Variants in HPS4 observed in about 807,000 individuals in gnomAD.
The protein encoded by HPS4 is BLOC-3 complex member HPS4.
HPS4 carries 44 observed loss-of-function variants against 70.3 expected under a neutral mutation model. That is an observed-to-expected ratio of 0.63 (90% CI 0.49 to 0.80). HPS4 has a LOEUF of 0.80. Ranked by LOEUF, HPS4 falls within the 30% of genes least tolerant of loss-of-function variation. HPS4 has a pLI of 0.00. For missense variants in HPS4, 873 were observed against 884.4 expected (o/e 0.99, Z 0.16); for synonymous variants, 377 against 355.9 (o/e 1.06, Z -0.67).
At chr22:26,463,860 A>G (rs1038656474) in intron 11 of HPS4, 57 bp downstream of exon 11, 55 of 1,558,888 alleles carry the variant, frequency 3.5e-5, no homozygotes, top group Non-Finnish European at 4.6e-5. Context: ...CTGTGAGGGA[A>G]GCACAGGAGA....
At chr22:26,475,352 T>TC (rs1220232869) in intron 4 of HPS4, 2 of 147,132 alleles carry the variant, frequency 1.4e-5, no homozygotes, top group East Asian at 4.0e-4. Flanking sequence ...AATTTCTTTT[T>TC]TTTTTTTTTT....
At chr22:26,479,556 A>C in intron 2 of HPS4, 1 of 1,413,804 alleles carries the variant, frequency 7.1e-7, no homozygotes, top group South Asian at 1.6e-5. Flanking sequence ...AACTAAAAAT[A>C]TGCCTCTATC....
At chr22:26,483,803 C>T (rs2091586696), upstream of HPS4, 15 of 1,095,794 alleles carry the variant, frequency 1.4e-5, no homozygotes, top group South Asian at 3.5e-4. Flanking sequence ...CACGCGCCGC[C>T]CCGCCTACCT....
At chr22:26,471,027 AG>A (rs2089720429) in intron 6 of HPS4, 1 of 919,936 alleles carries the variant, frequency 1.1e-6, no homozygotes, top group African/African-American at 1.6e-5. Flanking sequence ...CCAAATTCTT[AG>A]AACAAGGAGG....
Position 26,479,436 on chromosome 22 carries a change from C to T in HPS4, c.42-81G>A, listed in dbSNP as rs868372726. ...TAAAACACAGCTTCCTGTTTCCCAG[C>T]CCGAGGAGGGCTTATTACTGTGTTT... On this transcript the variant is annotated intron_variant, in intron 2 of 13. Coordinates refer to ENST00000398145, the MANE Select transcript of HPS4 (RefSeq NM_022081.6). 3.2e-6 allele frequency: 5 copies of T among 1,567,792 alleles called. No homozygotes were observed. In the Middle Eastern group the frequency reaches 6.7e-4, roughly 209 times the overall value.
At chr22:26,477,843 C>T (rs919848779) in intron 3 of HPS4, among the ~76,000 whole-genome samples, 1 of 152,188 alleles carries the variant, frequency 6.6e-6, no homozygotes, top group African/African-American at 2.4e-5. Flanking sequence ...CTCTACTACA[C>T]ATATGACCTG....
Position 26,479,284 on chromosome 22 carries a change from C to A in HPS4, c.113G>T (p.Cys38Phe). 1 of 1,614,168 alleles carries A rather than the reference C, an allele frequency of 6.2e-7. No homozygotes were observed. The highest frequency in any genetic ancestry group is 8.5e-7 in the Non-Finnish European group (1 of 1,180,010). The change falls in exon 3 of 14, where the codon TGT becomes TTT. Residue 38 changes from cysteine to phenylalanine, a missense_variant. Coordinates refer to ENST00000398145, the MANE Select transcript of HPS4 (RefSeq NM_022081.6). ...EEGDPTRAGI[C>F]YFYPSQTLLD... Reference sequence around the variant, plus strand: ...GCTTACCTGGGAAGGATAAAAGTAACAAATGCCAGCTCTTGTTGGATCGCC... The same window carrying A: ...GCTTACCTGGGAAGGATAAAAGTAAAAAATGCCAGCTCTTGTTGGATCGCC...
At chr22:26,444,132 C>T (rs1417623794), downstream of HPS4, 1 of 152,134 alleles carries the variant, frequency 6.6e-6, no homozygotes, top group Non-Finnish European at 1.5e-5. Flanking sequence ...GGACCGCGCT[C>T]ACCCAGCGAC....
chr22:26,460,809 CTTGG>C (rs1405829987), intron 11 of HPS4, among the ~76,000 whole-genome samples: 1 of 152,120 alleles, frequency 6.6e-6, no homozygotes, highest in African/African-American at 2.4e-5. Flanking sequence ...TATTTTTTTA[CTTGG>C]TTGGGGAAAA....
intron 8 of HPS4, chr22:26,467,009 C>G (rs2088773355): frequency 6.6e-6 from 1 of 152,306 alleles, no homozygotes; most frequent in Non-Finnish European, 1.5e-5. Context: ...CACATACAAT[C>G]CCTCATCCCC....
At chr22:26,473,224 T>A (rs1367911674) in intron 4 of HPS4, among the ~76,000 whole-genome samples, 1 of 152,256 alleles carries the variant, frequency 6.6e-6, no homozygotes, top group African/African-American at 2.4e-5. Flanking sequence ...AGTATCTCCA[T>A]GAGGTCTGTT....
chr22:26,448,288 C>G (rs1357931215), downstream of HPS4, among the ~76,000 whole-genome samples: 7 of 152,222 alleles, frequency 4.6e-5, no homozygotes, highest in African/African-American at 7.2e-5. Context: ...ATTTCCTTCT[C>G]CTGTCCATTT....
intron 4 of HPS4, among the ~76,000 whole-genome samples, 198 bp from the exon 5 acceptor site, chr22:26,473,137 T>C (rs2090071933): frequency 6.6e-6 from 1 of 152,214 alleles, no homozygotes; most frequent in South Asian, 2.1e-4. Flanking sequence ...CAATTCATGT[T>C]TTCCAATCTC....
At chr22:26,463,182 G>C (rs2087674409) in intron 11 of HPS4, among the ~76,000 whole-genome samples, 1 of 152,178 alleles carries the variant, frequency 6.6e-6, no homozygotes, top group African/African-American at 2.4e-5. Flanking sequence ...GGGCCCCAGG[G>C]AAGGTCAGTT....
chr22:26,443,496 A>G (rs1334231557), downstream of HPS4: 3 of 292,260 alleles, frequency 1.0e-5, no homozygotes, highest in Admixed American at 5.0e-5. Flanking sequence ...TTGAGTGACC[A>G]GAGACTTAGT....
chr22:26,476,887 T>G, intron 4 of HPS4, 106 bp downstream of exon 4: 1 of 1,196,136 alleles, frequency 8.4e-7, no homozygotes, highest in Non-Finnish European at 1.2e-6. Context: ...AGTACATGGA[T>G]GAGGTTGGTG....
downstream of HPS4, among the ~76,000 whole-genome samples, chr22:26,446,068 T>C (rs932329082): frequency 6.6e-6 from 1 of 152,126 alleles, no homozygotes; most frequent in Admixed American, 6.5e-5. Context: ...CCTCCTCAAG[T>C]GTGCATTGCC....
At chr22:26,450,170 C>T (rs1357360260), downstream of HPS4, among the ~76,000 whole-genome samples, 1 of 152,168 alleles carries the variant, frequency 6.6e-6, no homozygotes, top group Non-Finnish European at 1.5e-5. Flanking sequence ...TGCAAACATC[C>T]GATCCAACAA....
rs2086600010 is a variant in HPS4, at chr22:26,458,443, AC to A, written c.1846+1del. On this transcript the variant is annotated splice_donor_variant, in intron 12 of 13. Transcript: ENST00000398145. LOFTEE classifies it high-confidence loss of function. Reference sequence around the variant, plus strand: ...GCCCCAGGCCCCTTGGCTGGTTCTTACCCATCAGCAAGCTCTGAATGCGGTC... The same window carrying A: ...GCCCCAGGCCCCTTGGCTGGTTCTTACCATCAGCAAGCTCTGAATGCGGTC... 1 of 1,613,966 alleles carries A rather than the reference AC, an allele frequency of 6.2e-7. No homozygotes were observed. Among genetic ancestry groups the A allele is most frequent in the African/African-American group, 1.3e-5 (1 of 74,914 alleles).
Sources: allele counts gnomAD v4.1 joint callset (sites outside exome capture counted in the v4.1 genomes callset), GRCh38; gene constraint gnomAD v4.1.1; transcripts MANE v1.5; gene names NCBI Gene and HGNC (gene_info 2026-07-23, HGNC 2026-07-21).